Variants in GNAT2 observed in about 807,000 individuals in gnomAD.
GNAT2 encodes the protein G protein subunit alpha transducin 2, also known as guanine nucleotide-binding protein G(t) subunit alpha-2.
In GNAT2, 32 loss-of-function variants were observed where a neutral mutation model predicts 40.9. That is an observed-to-expected ratio of 0.78 (90% CI 0.59 to 1.05). GNAT2 has a LOEUF of 1.05. GNAT2 is among the 50% of genes least tolerant of loss of function. GNAT2 has a pLI of 0.00. For synonymous variants in GNAT2, 141 were observed against 157.2 expected, an observed-to-expected ratio of 0.90 and a Z score of 0.77; for missense variants, 355 against 431.5, an observed-to-expected ratio of 0.82 and a Z score of 1.57.
chr1:109,606,104 G>A lies in GNAT2; in HGVS notation c.591-5C>T, dbSNP rs1649584023. 1 of 1,613,918 alleles carries A rather than the reference G, an allele frequency of 6.2e-7. No homozygotes were observed. The highest frequency in any genetic ancestry group is 8.5e-7 in the Non-Finnish European group (1 of 1,179,922). ...TGCCCTCCCACATCAAACATCCTGAGGGAAGAAGCAGCTATTTTCATAGGT... is the reference window on the plus strand; with the variant it reads ...TGCCCTCCCACATCAAACATCCTGAAGGAAGAAGCAGCTATTTTCATAGGT... On this transcript the variant is annotated splice_region_variant and splice_polypyrimidine_tract_variant and intron_variant, in intron 6 of 8. Coordinates refer to ENST00000679935, the MANE Select transcript of GNAT2 (RefSeq NM_001377295.2).
At chr1:109,609,843 G>C in intron 4 of GNAT2, 197 bp downstream of exon 4, 1 of 630,320 alleles carries the variant, frequency 1.6e-6, no homozygotes, top group Admixed American at 2.4e-5. Flanking sequence ...TCTACCTTAA[G>C]GTCTTACTGC....
intron 5 of GNAT2, chr1:109,607,314 G>A (rs900534866): frequency 1.3e-5 from 2 of 152,134 alleles, no homozygotes; most frequent in Non-Finnish European, 2.9e-5. Context: ...AGCTGGGCAT[G>A]GTGGCGGGCG....
chr1:109,614,418 C>A (rs1649892471), intron 1 of GNAT2: 1 of 152,208 alleles, frequency 6.6e-6, no homozygotes, highest in Non-Finnish European at 1.5e-5. Flanking sequence ...GCATCAAACT[C>A]CAGAGCCAGA....
At chr1:109,613,954 G>C (rs919388452) in intron 1 of GNAT2, 1 of 152,182 alleles carries the variant, frequency 6.6e-6, no homozygotes, top group Non-Finnish European at 1.5e-5. Flanking sequence ...TTTCCTGGGG[G>C]AAAAATGAGG....
At chr1:109,618,364 A>G (rs1323886648) in intron 1 of GNAT2, 3 of 152,240 alleles carry the variant, frequency 2.0e-5, no homozygotes, top group Admixed American at 1.3e-4. Context: ...TATTACATAA[A>G]CATTCCCCTA....
Position 109,612,789 on chromosome 1 carries a change from C to T in GNAT2, c.82G>A (p.Asp28Asn), listed in dbSNP as rs1043733773. ...ELEKKLQEDA[D>N]KEAKTVKLLL... Reference sequence around the variant, plus strand: ...AGCTTGACAGTCTTGGCTTCCTTATCAGCATCCTCCTGCAGCTTCTTTTCT... The same window carrying T: ...AGCTTGACAGTCTTGGCTTCCTTATTAGCATCCTCCTGCAGCTTCTTTTCT... The change falls in exon 2 of 9, where the codon GAT becomes AAT. Residue 28 changes from aspartate to asparagine, a missense_variant. By Grantham distance (23) the Asp-to-Asn change is conservative. Coordinates refer to ENST00000679935, the MANE Select transcript of GNAT2 (RefSeq NM_001377295.2). 1.2e-6 allele frequency: 2 copies of T among 1,612,264 alleles called. No homozygotes were observed. The highest frequency in any genetic ancestry group is 1.3e-5 in the African/African-American group (1 of 74,876).
chr1:109,603,375 G>T lies in GNAT2; in HGVS notation c.1044C>A (p.Leu348=). Residue 348 remains leucine, a synonymous_variant, in exon 9 of 9, where the codon CTC becomes CTA. Coordinates refer to ENST00000679935, the MANE Select transcript of GNAT2 (RefSeq NM_001377295.2). ...AGGATTAGAAGAGGCCGCAGTCCTT[G>T]AGGTTTTCTTTGATGATAATATCTG... ...AVTDIIIKEN[L]KDCGLF 6.3e-7 allele frequency: 1 copy of T among 1,599,542 alleles called. No individual in the cohort carries two copies. The highest frequency in any genetic ancestry group is 8.6e-7 in the Non-Finnish European group (1 of 1,167,218).
intron 7 of GNAT2, 60 bp downstream of exon 7, chr1:109,605,910 G>C (rs1649577101): frequency 6.6e-7 from 1 of 1,526,554 alleles, no homozygotes; most frequent in African/African-American, 1.4e-5. Context: ...ACAAGGCTTA[G>C]AGAAAGGGTC....
chr1:109,608,719 C>T lies in GNAT2; in HGVS notation c.373G>A (p.Glu125Lys). ...TCCTTCCACAACCTCCTAATGACCT[C>T]CACGAGCTCAGGAGGCATGGTTCCC... is the stretch of plus-strand genomic sequence containing the variant. ...EEGTMPPELV[E>K]VIRRLWKDGG... The change falls in exon 5 of 9, where the codon GAG becomes AAG. Residue 125 changes from glutamate (E) to lysine (K), a missense_variant. Coordinates refer to ENST00000679935, the MANE Select transcript of GNAT2 (RefSeq NM_001377295.2). 6.2e-7 allele frequency: 1 copy of T among 1,613,746 alleles called. No individual in the cohort carries two copies. The highest frequency in any genetic ancestry group is 8.5e-7 in the Non-Finnish European group (1 of 1,179,628).
At chr1:109,609,631 C>T (rs1570564755) in intron 4 of GNAT2, 1 of 319,162 alleles carries the variant, frequency 3.1e-6, no homozygotes, top group South Asian at 2.7e-5. Context: ...GACCCTGTCC[C>T]AGTAAAAATA....
intron 4 of GNAT2, 47 bp from the exon 5 acceptor site, chr1:109,608,835 TC>T: frequency 6.7e-7 from 1 of 1,488,344 alleles, no homozygotes; most frequent in Non-Finnish European, 9.4e-7. Flanking sequence ...GTAATAGCTT[TC>T]CAGGAGGCTT....
Position 109,603,940 on chromosome 1 carries a change from C to T in GNAT2, c.874+11G>A. On this transcript the variant is annotated intron_variant, in intron 8 of 8. Coordinates refer to ENST00000679935, the MANE Select transcript of GNAT2 (RefSeq NM_001377295.2). ...AAGGCATTATTATTATTTCCAGCCC[C>T]TGACACTTACCATCATACTCTGGAA... 1 of 1,584,278 alleles carries T rather than the reference C, an allele frequency of 6.3e-7. No individual in the cohort carries two copies. Among genetic ancestry groups the T allele is most frequent in the South Asian group, 1.1e-5 (1 of 90,362 alleles).
chr1:109,613,845 C>T (rs1004010569), intron 1 of GNAT2: 4 of 152,166 alleles, frequency 2.6e-5, no homozygotes, highest in Non-Finnish European at 5.9e-5. Context: ...TGCTGCCTCA[C>T]ACAAAAAACT....
At chr1:109,609,286 T>TA (rs1649717042) in intron 4 of GNAT2, 3 of 190,878 alleles carry the variant, frequency 1.6e-5, no homozygotes, top group East Asian at 1.3e-4. Context: ...AATGGTAAAG[T>TA]AAAAAAGCAG....
In GNAT2 at chr1:109,603,110, T is replaced by C; in HGVS notation, c.*244A>G. On this transcript the variant is annotated 3_prime_UTR_variant, in exon 9 of 9. Coordinates refer to ENST00000679935, the MANE Select transcript of GNAT2 (RefSeq NM_001377295.2). ...CAGAAATAAAGTATTCACAGTTTTG[T>C]ATTAAGTTGGAAAACCAGTACTGGA... The C allele has an allele frequency of 1.8e-6, 1 of 558,518 alleles. No individual in the cohort carries two copies. Among genetic ancestry groups the C allele is most frequent in the Non-Finnish European group, 3.2e-6 (1 of 313,300 alleles). The allele number at this position is 558,518 out of a possible 1,614,324, so 34.6% of individuals were successfully genotyped here.
In GNAT2 at chr1:109,612,805, C is replaced by T; in HGVS notation, c.66G>A (p.Lys22=). The change falls in exon 2 of 9, where the codon AAG becomes AAA. Residue 22 remains lysine (K), a synonymous_variant. Coordinates refer to ENST00000679935, the MANE Select transcript of GNAT2 (RefSeq NM_001377295.2). ...LAKRSKELEK[K]LQEDADKEAK... ...CTTCCTTATCAGCATCCTCCTGCAG[C>T]TTCTTTTCTAGCTCCTTGGACCTCT... 6.2e-7 allele frequency: 1 copy of T among 1,613,620 alleles called. No individual in the cohort carries two copies. Among genetic ancestry groups the T allele is most frequent in the Non-Finnish European group, 8.5e-7 (1 of 1,179,526 alleles).
intron 5 of GNAT2, 57 bp from the exon 6 acceptor site, chr1:109,606,493 G>C: frequency 6.9e-7 from 1 of 1,458,230 alleles, no homozygotes; most frequent in Non-Finnish European, 9.6e-7. Context: ...GCTAAGAGAC[G>C]TAAAAGGTAT....
intron 2 of GNAT2, 30 bp from the exon 3 acceptor site, chr1:109,610,537 TTCCACCAGTTC>T: frequency 6.2e-7 from 1 of 1,600,650 alleles, no homozygotes; most frequent in South Asian, 1.1e-5. Context: ...TGCTTTCGAT[TTCCACCAGTTC>T]TCCTCAGCCT....
chr1:109,617,632 T>C (rs910443848), intron 1 of GNAT2: 4 of 151,990 alleles, frequency 2.6e-5, no homozygotes, highest in African/African-American at 9.7e-5. Context: ...GACCTGGAAA[T>C]AGGGGAGGGT....
Sources: gnomAD v4.1 joint callset for allele counts on GRCh38, gnomAD v4.1.1 for gene constraint, MANE v1.5 for transcripts, NCBI Gene and HGNC (gene_info 2026-07-23, HGNC 2026-07-21) for gene names.